The following ZDHHC4 variants were observed in gnomAD, a reference collection of about 807,000 sequenced individuals.
The protein encoded by ZDHHC4 is palmitoyltransferase ZDHHC4.
In ZDHHC4, 42 loss-of-function variants were observed where a neutral mutation model predicts 36.7. That is an observed-to-expected ratio of 1.14 (90% CI 0.89 to 1.48). The LOEUF (loss-of-function observed/expected upper bound fraction) is 1.48, where lower values mean the gene tolerates loss of function less well. ZDHHC4 is among the 40% of genes most tolerant of loss of function. The probability of loss-of-function intolerance (pLI) is 0.00; values close to 1 mark genes in which losing one functional copy is unlikely to be tolerated. For missense variants in ZDHHC4, 457 were observed against 421.5 expected, an observed-to-expected ratio of 1.08 and a Z score of -0.74; for synonymous variants, 189 against 166.6, an observed-to-expected ratio of 1.13 and a Z score of -1.03.
chr7:6,584,808 A>G, intron 6 of ZDHHC4: 1 of 623,990 alleles, frequency 1.6e-6, no homozygotes, highest in Non-Finnish European at 2.7e-6. Flanking sequence ...TTTGTCTTGT[A>G]GTCAGATTGC....
chr7:6,580,855 G>T (rs894713331), intron 3 of ZDHHC4, 177 bp downstream of exon 3: 18 of 622,250 alleles, frequency 2.9e-5, no homozygotes, highest in Middle Eastern at 4.3e-4. Flanking sequence ...GTCTGAAGTT[G>T]CCATGAGCTA....
chr7:6,584,863 A>C, intron 6 of ZDHHC4, 153 bp from the exon 7 acceptor site: 2 of 1,130,696 alleles, frequency 1.8e-6, no homozygotes, highest in Non-Finnish European at 2.5e-6. Flanking sequence ...TGTACTGGAC[A>C]CCACAGTTCC....
Position 6,583,369 on chromosome 7 carries a change from T to G in ZDHHC4, c.434T>G (p.Phe145Cys). The G allele has an allele frequency of 6.2e-7, 1 of 1,614,044 alleles. No individual in the cohort carries two copies. Among genetic ancestry groups the G allele is most frequent in the South Asian group, 1.1e-5 (1 of 91,046 alleles). Residue 145 changes from phenylalanine to cysteine, a missense_variant, in exon 6 of 8, where the codon TTT becomes TGT. Coordinates refer to ENST00000335965, the MANE Select transcript of ZDHHC4 (RefSeq NM_001134389.2). ...GTTTATGAATTTGATGAAGTGATGT[T>G]TCCAAAGAACGTGAGGTGCTCTACT... ...LHVYEFDEVM[F>C]PKNVRCSTCD...
At chr7:6,583,798 T>C (rs1781037122) in intron 6 of ZDHHC4, 2 of 166,568 alleles carry the variant, frequency 1.2e-5, no homozygotes, top group South Asian at 3.5e-4. Context: ...AGAATGTGGC[T>C]GGGCGCAGCG....
At chr7:6,578,912 C>T (rs1428043991) in intron 2 of ZDHHC4, among the ~76,000 whole-genome samples, 192 bp downstream of exon 2, 2 of 152,110 alleles carry the variant, frequency 1.3e-5, no homozygotes, top group African/African-American at 2.4e-5. Flanking sequence ...CTCATGCTGT[C>T]GCCCAGGCTT....
Position 6,588,877 on chromosome 7 carries a change from C to A in ZDHHC4, c.1002C>A (p.Ala334=). 1 of 1,609,696 alleles carries A rather than the reference C, an allele frequency of 6.2e-7. No homozygotes were observed. Among genetic ancestry groups the A allele is most frequent in the Non-Finnish European group, 8.5e-7 (1 of 1,176,232 alleles). Residue 334 remains alanine (A), a synonymous_variant, in exon 8 of 8, where the codon GCC becomes GCA. Transcript: ENST00000335965. ...RSNLQEIFLP[A]FPCHERKKQE is the part of the protein sequence containing the mutation. ...ACCTTCAAGAGATCTTTCTACCTGC[C>A]TTTCCATGTCATGAGAGGAAGAAAC...
intron 3 of ZDHHC4, chr7:6,581,096 G>T (rs916186784): frequency 9.1e-5 from 23 of 253,690 alleles, no homozygotes; most frequent in Non-Finnish European, 1.2e-4. Context: ...CTGTGATTGG[G>T]CATGGATGTG....
chr7:6,581,180 T>G (rs953981824), intron 3 of ZDHHC4: 1 of 238,018 alleles, frequency 4.2e-6, no homozygotes, highest in Non-Finnish European at 8.2e-6. Context: ...CTGGCCCCCC[T>G]CCTTCAGGGA....
At position 6,589,222 on chromosome 7, in the gene ZDHHC4, T is replaced by C. The variant is rs572515342; in HGVS notation, c.*312T>C. 5.4e-5 allele frequency: 19 copies of C among 353,394 alleles called. No homozygotes were observed. Among genetic ancestry groups the C allele is most frequent in the African/African-American group, 3.3e-4 (16 of 48,380 alleles). The allele number at this position is 353,394 out of a possible 1,614,324, so 21.9% of individuals were successfully genotyped here. A position where few individuals can be genotyped will look rare whatever the true frequency, so the allele number is the denominator to read the frequency against. On this transcript the variant is annotated 3_prime_UTR_variant, in exon 8 of 8. Coordinates refer to ENST00000335965, the MANE Select transcript of ZDHHC4 (RefSeq NM_001134389.2). Reference sequence around the variant, plus strand: ...CAGGAGGGGCTTGCGGCCGTGTCTCTGACCTGTGTGATGTGCAGGAGGGTC... The same window carrying C: ...CAGGAGGGGCTTGCGGCCGTGTCTCCGACCTGTGTGATGTGCAGGAGGGTC...
chr7:6,586,757 T>C (rs762359760), intron 7 of ZDHHC4, among the ~76,000 whole-genome samples: 14 of 152,186 alleles, frequency 9.2e-5, no homozygotes, highest in Admixed American at 1.3e-4. Flanking sequence ...ATTACAGGCA[T>C]GAAACCCCGT....
intron 6 of ZDHHC4, 61 bp downstream of exon 6, chr7:6,583,492 G>T: frequency 6.4e-7 from 1 of 1,556,260 alleles, no homozygotes; most frequent in Non-Finnish European, 8.7e-7. Context: ...GGCTTCGTCT[G>T]TGAGGGAATG....
intron 7 of ZDHHC4, 40 bp downstream of exon 7, chr7:6,585,300 C>T (rs546858296): frequency 4.1e-5 from 65 of 1,589,424 alleles, no homozygotes; most frequent in East Asian, 1.1e-4. Flanking sequence ...GTTTCAGAAT[C>T]GCAAAAAAGA....
chr7:6,588,626 C>G lies in ZDHHC4; in HGVS notation c.751C>G (p.Leu251Val), dbSNP rs1178766637. ...TTTTCTCTGCTCCTAGTACCTGTTCCTGACTTTTCCACGGATTGTCTTCAT... is the reference window on the plus strand; with the variant it reads ...TTTTCTCTGCTCCTAGTACCTGTTCGTGACTTTTCCACGGATTGTCTTCAT... ...DTVFLIQYLF[L>V]TFPRIVFMLG... Residue 251 changes from leucine (L) to valine (V), a missense_variant, in exon 8 of 8, where the codon CTG becomes GTG. Leu to Val is a conservative substitution (Grantham distance 32). Transcript: ENST00000335965. 2 of 1,614,002 alleles carry G rather than the reference C, an allele frequency of 1.2e-6. No individual in the cohort carries two copies. Among genetic ancestry groups the G allele is most frequent in the East Asian group, 4.5e-5 (2 of 44,898 alleles).
chr7:6,586,045 C>T (rs935444333), intron 7 of ZDHHC4, among the ~76,000 whole-genome samples: 16 of 151,140 alleles, frequency 1.1e-4, no homozygotes, highest in African/African-American at 3.6e-4. Context: ...CCCAGCTACT[C>T]GGGAGGCCGA....
Position 6,588,641 on chromosome 7 carries a change from A to C in ZDHHC4, c.766A>C (p.Ile256Leu), listed in dbSNP as rs759278783. ...IQYLFLTFPR[I>L]VFMLGFVVVL... is the part of the protein sequence containing the mutation. ...GTACCTGTTCCTGACTTTTCCACGG[A>C]TTGTCTTCATGCTGGGCTTTGTCGT... The change falls in exon 8 of 8, where the codon ATT becomes CTT. Residue 256 changes from isoleucine to leucine, a missense_variant. Coordinates refer to ENST00000335965, the MANE Select transcript of ZDHHC4 (RefSeq NM_001134389.2). The C allele has an allele frequency of 3.7e-6, 6 of 1,613,986 alleles. No individual in the cohort carries two copies. Among genetic ancestry groups the C allele is most frequent in the Non-Finnish European group, 5.1e-6 (6 of 1,179,996 alleles).
rs1583389791 is a variant in ZDHHC4, at chr7:6,585,117, A to C, written c.598A>C (p.Thr200Pro). 1 of 1,613,786 alleles carries C rather than the reference A, an allele frequency of 6.2e-7. No homozygotes were observed. Among genetic ancestry groups the C allele is most frequent in the East Asian group, 2.2e-5 (1 of 44,850 alleles). Residue 200 changes from threonine to proline, a missense_variant, in exon 7 of 8, where the codon ACC becomes CCC. Thr to Pro is a conservative substitution (Grantham distance 38). Transcript: ENST00000335965. Reference protein sequence around the residue: ...NIRYFLIYVLTLTASAATVAI... With the variant: ...NIRYFLIYVLPLTASAATVAI... Reference sequence around the variant, plus strand: ...CAGGTACTTCCTCATCTACGTCTTGACCTTGACGGCCTCGGCTGCCACCGT... The same window carrying C: ...CAGGTACTTCCTCATCTACGTCTTGCCCTTGACGGCCTCGGCTGCCACCGT...
rs1393491738 is a variant in ZDHHC4 at position 6,577,469 on chromosome 7, C to A, written c.-192C>A. 1 of 152,166 alleles carries A rather than the reference C, an allele frequency of 6.6e-6. No homozygotes were observed. The highest frequency in any genetic ancestry group is 2.4e-5 in the African/African-American group (1 of 41,448). 9.4% of individuals were successfully genotyped at this position (152,166 alleles called of 1,614,324 possible). A position where few individuals can be genotyped will look rare whatever the true frequency, so the allele number is the denominator to read the frequency against. ...GCCCGCAGGAAGTCTCGTATCGCGC[C>A]CGGGAGGCGCCGGAGCCCAGCGGCT... On this transcript the variant is annotated 5_prime_UTR_variant, in exon 1 of 8. Coordinates refer to ENST00000335965, the MANE Select transcript of ZDHHC4 (RefSeq NM_001134389.2).
rs1020353906 is a variant in ZDHHC4 at position 6,577,467 on chromosome 7, G to T, written c.-194G>T. On this transcript the variant is annotated 5_prime_UTR_variant, in exon 1 of 8. Coordinates refer to ENST00000335965, the MANE Select transcript of ZDHHC4 (RefSeq NM_001134389.2). ...GAGCCCGCAGGAAGTCTCGTATCGC[G>T]CCCGGGAGGCGCCGGAGCCCAGCGG... The T allele has an allele frequency of 6.6e-6, 1 of 152,118 alleles. No individual in the cohort carries two copies. The highest frequency in any genetic ancestry group is 2.1e-4 in the South Asian group (1 of 4,836). 9.4% of individuals were successfully genotyped at this position (152,118 alleles called of 1,614,324 possible).
chr7:6,588,872 C>T lies in ZDHHC4; in HGVS notation c.997C>T (p.Pro333Ser), dbSNP rs202075979. 5.6e-6 allele frequency: 9 copies of T among 1,610,318 alleles called. No individual in the cohort carries two copies. The highest frequency in any genetic ancestry group is 1.6e-4 in the Middle Eastern group (1 of 6,070). ...LRSNLQEIFL[P>S]AFPCHERKKQ... is the part of the protein sequence containing the mutation. ...GAGCAACCTTCAAGAGATCTTTCTA[C>T]CTGCCTTTCCATGTCATGAGAGGAA... The change falls in exon 8 of 8, where the codon CCT becomes TCT. Residue 333 changes from proline (P) to serine (S), a missense_variant. Coordinates refer to ENST00000335965, the MANE Select transcript of ZDHHC4 (RefSeq NM_001134389.2).
Sources: allele counts gnomAD v4.1 joint callset (sites outside exome capture counted in the v4.1 genomes callset), GRCh38; gene constraint gnomAD v4.1.1; transcripts MANE v1.5; gene names NCBI Gene and HGNC (gene_info 2026-07-23, HGNC 2026-07-21).